The following VPS8 variants were observed in gnomAD, a reference collection of about 807,000 sequenced individuals.
The protein encoded by VPS8 is vacuolar protein sorting-associated protein 8 homolog.
A neutral mutation model predicts 216.4 loss-of-function variants in VPS8; 129 were observed. That is an observed-to-expected ratio of 0.60 (90% CI 0.52 to 0.69). The LOEUF (loss-of-function observed/expected upper bound fraction) is 0.69. Ranked by LOEUF, VPS8 falls within the 30% of genes least tolerant of loss-of-function variation. VPS8 has a pLI of 0.00. For missense variants in VPS8, 1,531 were observed against 1,683.5 expected (o/e 0.91, Z 1.59); for synonymous variants, 571 against 565.4 (o/e 1.01, Z -0.14).
chr3:184,956,365 G>A (rs1745601685), intron 36 of VPS8, among the ~76,000 whole-genome samples: 1 of 152,180 alleles, frequency 6.6e-6, no homozygotes, highest in South Asian at 2.1e-4. Context: ...TCACTACAGT[G>A]GACCAAACAA....
chr3:184,967,965 C>A (rs1393844082), intron 39 of VPS8, among the ~76,000 whole-genome samples: 6 of 151,960 alleles, frequency 3.9e-5, no homozygotes, highest in African/African-American at 1.2e-4. Flanking sequence ...ATAATCATTA[C>A]CCCCATCCAC....
At chr3:184,918,220 T>C (rs540186279) in intron 28 of VPS8, among the ~76,000 whole-genome samples, 1 of 152,338 alleles carries the variant, frequency 6.6e-6, no homozygotes, top group South Asian at 2.1e-4. Context: ...CAGAAATATT[T>C]ACTGTCTGGC....
At chr3:184,907,196 G>C (rs1364854648) in intron 25 of VPS8, among the ~76,000 whole-genome samples, 1 of 152,166 alleles carries the variant, frequency 6.6e-6, no homozygotes, top group Non-Finnish European at 1.5e-5. Context: ...GTTAGAAGTA[G>C]GTAAGAGACA....
At position 184,991,296 on chromosome 3, in the gene VPS8, CAACTT is replaced by C. The variant is rs59673876; in HGVS notation, c.3586-2684_3586-2680del. ...TCTTCCTTCATAGTTTGCAAACAAA[CAACTT>C]AAGAGAAACCTCAGCATTTATTCAT... On this transcript the variant is annotated intron_variant, in intron 42 of 47. Transcript: ENST00000625842. Among the ~76,000 whole-genome samples the C allele has an allele frequency of 4.4e-3, 672 of 152,274 alleles. 7 individuals are homozygous for C. The highest frequency in any genetic ancestry group is 0.015 in the African/African-American group (629 of 41,550).
chr3:184,950,260 G>A (rs1744461586), intron 36 of VPS8, among the ~76,000 whole-genome samples: 1 of 82,260 alleles, frequency 1.2e-5, no homozygotes, highest in Non-Finnish European at 2.3e-5. Context: ...AGCTTGTTGT[G>A]GATGATGTAT....
At chr3:184,861,438 A>G (rs570847253) in intron 15 of VPS8, among the ~76,000 whole-genome samples, 1 of 152,348 alleles carries the variant, frequency 6.6e-6, no homozygotes, top group African/African-American at 2.4e-5. Flanking sequence ...ATTTAGTTGT[A>G]CATTACATTT....
intron 44 of VPS8, among the ~76,000 whole-genome samples, chr3:184,997,391 G>T (rs1475676313): frequency 6.6e-6 from 1 of 152,220 alleles, no homozygotes; most frequent in East Asian, 1.9e-4. Context: ...GATTGAATGA[G>T]ATGATTTATA....
At chr3:184,897,720 T>G (rs1197800633) in intron 23 of VPS8, among the ~76,000 whole-genome samples, 2 of 152,108 alleles carry the variant, frequency 1.3e-5, no homozygotes, top group Non-Finnish European at 2.9e-5. Context: ...TACCTCTCAC[T>G]CCCTCTTGTC....
intron 28 of VPS8, among the ~76,000 whole-genome samples, chr3:184,919,526 G>A (rs1242779286): frequency 6.6e-6 from 1 of 152,110 alleles, no homozygotes; most frequent in Non-Finnish European, 1.5e-5. Context: ...TTTGATGCAT[G>A]TTATGTTCAA....
At chr3:184,862,118 A>G (rs181494970) in intron 15 of VPS8, among the ~76,000 whole-genome samples, 3 of 152,292 alleles carry the variant, frequency 2.0e-5, no homozygotes, top group Non-Finnish European at 4.4e-5. Flanking sequence ...TAGAACATAC[A>G]AATACACCAG....
At chr3:184,995,213 A>G (rs1752460019) in intron 43 of VPS8, among the ~76,000 whole-genome samples, 1 of 152,190 alleles carries the variant, frequency 6.6e-6, no homozygotes, top group African/African-American at 2.4e-5. Context: ...TTCTTAGCGT[A>G]CTGCAGAGTA....
At position 184,898,640 on chromosome 3, in the gene VPS8, A is replaced by G. The variant is rs1187318945; in HGVS notation, c.2080A>G (p.Ile694Val). The change falls in exon 24 of 48, where the codon ATT (isoleucine) becomes GTT (valine). Residue 694 changes from isoleucine to valine, a missense_variant. Ile to Val is a conservative substitution (Grantham distance 29). Around this residue, in one of 3 missense-constraint regions of VPS8, gnomAD observed 1,318 missense variants for 1,468.4 expected, o/e 0.90. Transcript: ENST00000625842. ...YVYNRGMNEF[I>V]SPMEKLFRVI... ...CTACAACAGAGGCATGAATGAATTT[A>G]TTAGTCCAATGGAGGTAAGATACTT... 4.5e-6 allele frequency: 7 copies of G among 1,552,202 alleles called. No individual in the cohort carries two copies. The South Asian group carries it at 7.2e-5, about 16-fold the overall frequency.
intron 8 of VPS8, among the ~76,000 whole-genome samples, chr3:184,847,128 A>G (rs1033492228): frequency 6.6e-6 from 1 of 152,234 alleles, no homozygotes; most frequent in African/African-American, 2.4e-5. Flanking sequence ...TTTATGAGTT[A>G]TTCCTTTTCA....
rs749313673 is a variant in VPS8 at position 184,900,903 on chromosome 3, C to A, written c.2095-18C>A. On this transcript the variant is annotated intron_variant, in intron 24 of 47. Coordinates refer to ENST00000625842, the MANE Select transcript of VPS8 (RefSeq NM_001009921.3). ...ATTTGAGATGATGATGATTGTTTTC[C>A]TATTAATTTTAATGCAGAAACTTTT... 6.3e-7 allele frequency: 1 copy of A among 1,588,040 alleles called. No individual in the cohort carries two copies. The highest frequency in any genetic ancestry group is 8.6e-7 in the Non-Finnish European group (1 of 1,168,546).
chr3:184,955,485 T>TA (rs1745423139), intron 36 of VPS8, among the ~76,000 whole-genome samples: 2 of 151,986 alleles, frequency 1.3e-5, no homozygotes, highest in Non-Finnish European at 2.9e-5. Context: ...TCATCCTCCT[T>TA]ACCCTGCGCC....
chr3:184,824,583 A>G lies in VPS8; in HGVS notation c.-50A>G, dbSNP rs769329318. The G allele has an allele frequency of 1.3e-6, 2 of 1,570,738 alleles. No individual in the cohort carries two copies. The highest frequency in any genetic ancestry group is 8.6e-7 in the Non-Finnish European group (1 of 1,156,850). ...GGTCTTCGTGAGCTAAGGCCAAACA[A>G]ACAAAAAACACTTGCTTTGATGGAC... On this transcript the variant is annotated 5_prime_UTR_variant, in exon 2 of 48. Coordinates refer to ENST00000625842, the MANE Select transcript of VPS8 (RefSeq NM_001009921.3).
intron 1 of VPS8, among the ~76,000 whole-genome samples, chr3:184,822,323 GGGTAGCTT>G (rs1208293554): frequency 6.6e-6 from 1 of 152,120 alleles, no homozygotes; most frequent in African/African-American, 2.4e-5. Flanking sequence ...AAATGGGGCA[GGGTAGCTT>G]GGTGGGATGA....
intron 22 of VPS8, among the ~76,000 whole-genome samples, chr3:184,889,540 A>C (rs1369004844): frequency 6.6e-6 from 1 of 152,038 alleles, no homozygotes; most frequent in African/African-American, 2.4e-5. Flanking sequence ...TCTGTTTTCT[A>C]ACACCGAAGA....
Position 184,849,209 on chromosome 3 carries a change from C to G in VPS8, c.666+14C>G. ...GCTAAAGGACAGGTAAGATATGAAC[C>G]TCCTTTAATTCATAAGACAATGTTA... On this transcript the variant is annotated intron_variant, in intron 9 of 47. Transcript: ENST00000625842. The G allele has an allele frequency of 6.2e-7, 1 of 1,608,884 alleles. No homozygotes were observed. The highest frequency in any genetic ancestry group is 8.5e-7 in the Non-Finnish European group (1 of 1,177,704).
Sources: allele counts gnomAD v4.1 joint callset (sites outside exome capture counted in the v4.1 genomes callset), GRCh38; gene constraint gnomAD v4.1.1; regional missense constraint gnomAD v4.1.1; transcripts MANE v1.5; gene names NCBI Gene and HGNC (gene_info 2026-07-23, HGNC 2026-07-21).